Variants in OSBPL8 observed in about 807,000 individuals in gnomAD.
The protein encoded by OSBPL8 is oxysterol-binding protein-related protein 8.
In OSBPL8, 59 loss-of-function variants were observed where a neutral mutation model predicts 125.5. The observed-to-expected ratio is 0.47, with a 90% CI of 0.38 to 0.58. The LOEUF (loss-of-function observed/expected upper bound fraction) is 0.58, where lower values mean the gene tolerates loss of function less well. OSBPL8 is among the 20% of genes least tolerant of loss of function. The probability of loss-of-function intolerance (pLI) is 0.00; values close to 1 mark genes in which losing one functional copy is unlikely to be tolerated. For synonymous variants in OSBPL8, 330 were observed against 338.9 expected (o/e 0.97, Z 0.29); for missense variants, 758 against 1,047.8 (o/e 0.72, Z 3.82).
At chr12:76,441,963 G>C (rs1471519643) in intron 4 of OSBPL8, among the ~76,000 whole-genome samples, 3 of 151,996 alleles carry the variant, frequency 2.0e-5, no homozygotes, top group African/African-American at 7.2e-5. Context: ...TAACACAAAG[G>C]ATAAATGCTC....
At chr12:76,467,644 C>A (rs1875619637) in intron 2 of OSBPL8, among the ~76,000 whole-genome samples, 1 of 152,028 alleles carries the variant, frequency 6.6e-6, no homozygotes, top group Admixed American at 6.6e-5. Context: ...CTCTATGGTG[C>A]CTATTTCACA....
At chr12:76,475,722 G>A (rs1876723002) in intron 2 of OSBPL8, among the ~76,000 whole-genome samples, 1 of 152,168 alleles carries the variant, frequency 6.6e-6, no homozygotes, top group South Asian at 2.1e-4. Flanking sequence ...TGGAGATGGA[G>A]AAAGTGGAGT....
chr12:76,393,094 T>C (rs1953632706), intron 9 of OSBPL8, among the ~76,000 whole-genome samples: 1 of 152,230 alleles, frequency 6.6e-6, no homozygotes, highest in Non-Finnish European at 1.5e-5. Context: ...TTTATGATTC[T>C]ACTACAAACA....
At chr12:76,452,183 A>C (rs558728318) in intron 3 of OSBPL8, among the ~76,000 whole-genome samples, 25 of 152,108 alleles carry the variant, frequency 1.6e-4, no homozygotes, top group Non-Finnish European at 2.8e-4. Context: ...TCAGAATTTC[A>C]CATTCACCTT....
At chr12:76,512,818 C>T (rs1881135249) in intron 1 of OSBPL8, among the ~76,000 whole-genome samples, 1 of 152,212 alleles carries the variant, frequency 6.6e-6, no homozygotes, top group African/African-American at 2.4e-5. Context: ...TATCCATGAG[C>T]ATGGGAGGTT....
chr12:76,442,907 C>T (rs962516135), intron 4 of OSBPL8, among the ~76,000 whole-genome samples: 2 of 152,150 alleles, frequency 1.3e-5, no homozygotes, highest in Non-Finnish European at 2.9e-5. Context: ...ATCTTCACAT[C>T]AGTAAATTGT....
chr12:76,482,554 A>T (rs1317011548), intron 2 of OSBPL8, among the ~76,000 whole-genome samples: 1 of 152,136 alleles, frequency 6.6e-6, no homozygotes, highest in African/African-American at 2.4e-5. Flanking sequence ...CAGAGGTTGC[A>T]GTGGGCCAAG....
chr12:76,556,325 C>T (rs780118551), intron 1 of OSBPL8, among the ~76,000 whole-genome samples: 4 of 151,882 alleles, frequency 2.6e-5, no homozygotes, highest in Admixed American at 1.3e-4. Context: ...GGATTTCTTC[C>T]CTATAAGGTC....
At chr12:76,559,237 C>T (rs1951200425) in intron 1 of OSBPL8, among the ~76,000 whole-genome samples, 160 bp downstream of exon 1, 1 of 152,194 alleles carries the variant, frequency 6.6e-6, no homozygotes, top group Non-Finnish European at 1.5e-5. Flanking sequence ...CCTTTCCAAT[C>T]CCCCTACTCC....
chr12:76,380,233 T>G (rs1952985449), intron 15 of OSBPL8, among the ~76,000 whole-genome samples: 1 of 152,212 alleles, frequency 6.6e-6, no homozygotes, highest in South Asian at 2.1e-4. Context: ...TCTATTATCT[T>G]AACACTATTA....
rs184415467 is a variant in OSBPL8 at position 76,461,248 on chromosome 12, G to T, written c.43-1353C>A. Among the ~76,000 whole-genome samples the T allele has an allele frequency of 9.2e-5, 14 of 152,226 alleles. No homozygotes were observed. The South Asian group carries it at 1.7e-3, about 18-fold the overall frequency. On this transcript the variant is annotated intron_variant, in intron 2 of 23. Transcript: ENST00000261183. ...TGATGGGATGTCTCTTCTGGGATTA[G>T]ATTATAAAGAGACTGTGACTCCCAT... is the stretch of plus-strand genomic sequence containing the variant.
chr12:76,538,671 A>G (rs1950562131), intron 1 of OSBPL8, among the ~76,000 whole-genome samples: 1 of 152,080 alleles, frequency 6.6e-6, no homozygotes, highest in African/African-American at 2.4e-5. Flanking sequence ...TTTGAGACCC[A>G]GTGCAGTGGC....
Position 76,362,656 on chromosome 12 carries a change from A to G in OSBPL8, c.2329-3845T>C, listed in dbSNP as rs533068532. On this transcript the variant is annotated intron_variant, in intron 21 of 23. Transcript: ENST00000261183. ...ATGCCCTCTCTCACCACTCCTATTC[A>G]ACATAGTACTGGAAGTTCTGGCCAG... Among the ~76,000 whole-genome samples the G allele has an allele frequency of 2.6e-5, 4 of 152,336 alleles. No individual in the cohort carries two copies. In the East Asian group the frequency reaches 7.7e-4, roughly 29 times the overall value.
chr12:76,359,587 C>T (rs2136133195), intron 21 of OSBPL8, among the ~76,000 whole-genome samples: 1 of 152,274 alleles, frequency 6.6e-6, no homozygotes, highest in East Asian at 1.9e-4. Context: ...AGTTTTTATG[C>T]TCCTGATAAA....
intron 1 of OSBPL8, among the ~76,000 whole-genome samples, chr12:76,527,923 A>C (rs191493299): frequency 5.9e-5 from 9 of 152,358 alleles, no homozygotes; most frequent in African/African-American, 2.2e-4. Context: ...GATATGCAGA[A>C]ATGCAAGAAA....
intron 2 of OSBPL8, among the ~76,000 whole-genome samples, chr12:76,466,439 A>G (rs533091951): frequency 8.5e-5 from 13 of 152,308 alleles, no homozygotes; most frequent in Admixed American, 2.6e-4. Context: ...ACAGCACCAC[A>G]TATTACTCAC....
At chr12:76,517,777 C>T (rs1403790654) in intron 1 of OSBPL8, among the ~76,000 whole-genome samples, 1 of 152,084 alleles carries the variant, frequency 6.6e-6, no homozygotes, top group African/African-American at 2.4e-5. Flanking sequence ...TGGGAATGGG[C>T]GCATCACATG....
chr12:76,495,234 T>C (rs1354648233), intron 1 of OSBPL8, among the ~76,000 whole-genome samples: 1 of 152,230 alleles, frequency 6.6e-6, no homozygotes, highest in Non-Finnish European at 1.5e-5. Context: ...ACCAGTTATC[T>C]TCCAGTTCCT....
At chr12:76,511,195 C>T (rs1314554988) in intron 1 of OSBPL8, among the ~76,000 whole-genome samples, 2 of 152,274 alleles carry the variant, frequency 1.3e-5, no homozygotes, top group East Asian at 3.9e-4. Flanking sequence ...AACAGCACTG[C>T]AAAGAACTTT....
Sources: allele counts gnomAD v4.1 joint callset (sites outside exome capture counted in the v4.1 genomes callset), GRCh38; gene constraint gnomAD v4.1.1; transcripts MANE v1.5; gene names NCBI Gene and HGNC (gene_info 2026-07-23, HGNC 2026-07-21).